Variants in LSM14A observed in about 807,000 individuals in gnomAD.
LSM14A encodes protein LSM14 homolog A.
LSM14A carries 14 observed loss-of-function variants against 52.4 expected under a neutral mutation model. The observed-to-expected ratio is 0.27, with a 90% CI of 0.18 to 0.42. LSM14A has a LOEUF of 0.42. Among genes scored for constraint, LSM14A ranks in the 10% least tolerant of loss-of-function variants. LSM14A has a pLI of 1.00. For synonymous variants in LSM14A, 185 were observed against 200.3 expected, an observed-to-expected ratio of 0.92 and a Z score of 0.64; for missense variants, 417 against 581.8, an observed-to-expected ratio of 0.72 and a Z score of 2.91.
intron 1 of LSM14A, among the ~76,000 whole-genome samples, chr19:34,183,857 G>A (rs1342472450): frequency 2.6e-5 from 4 of 152,044 alleles, no homozygotes; most frequent in Non-Finnish European, 5.9e-5. Flanking sequence ...ACTTTATTGG[G>A]TATAAGTTAC....
chr19:34,227,482 C>T lies in LSM14A; in HGVS notation c.*94C>T, dbSNP rs572293434. The T allele has an allele frequency of 1.4e-4, 133 of 964,746 alleles. No individual in the cohort carries two copies. In the South Asian group the frequency reaches 1.9e-3, roughly 14 times the overall value. The allele number at this position is 964,746 out of a possible 1,614,324, so 59.8% of individuals were successfully genotyped here. ...TTTGCAAAGAATGAAGAAGTGAATT[C>T]GCTGTACATTTGTCACCAGCACTGG... On this transcript the variant is annotated 3_prime_UTR_variant, in exon 10 of 10. Coordinates refer to ENST00000544216, the MANE Select transcript of LSM14A (RefSeq NM_015578.4).
intron 3 of LSM14A, among the ~76,000 whole-genome samples, chr19:34,197,000 G>C (rs1487369921): frequency 6.6e-6 from 1 of 151,392 alleles, no homozygotes; most frequent in Non-Finnish European, 1.5e-5. Context: ...AAAAAAAAAT[G>C]GATATACTAG....
chr19:34,196,564 C>A (rs550668710), intron 2 of LSM14A, 70 bp from the exon 3 acceptor site: 12 of 1,450,530 alleles, frequency 8.3e-6, no homozygotes, highest in South Asian at 1.5e-5. Context: ...AAGTAAAAAT[C>A]TGGAATTTTT....
At chr19:34,197,872 A>G (rs772427682) in intron 3 of LSM14A, among the ~76,000 whole-genome samples, 1 of 152,220 alleles carries the variant, frequency 6.6e-6, no homozygotes, top group Non-Finnish European at 1.5e-5. Context: ...ATGAGAATGT[A>G]TAGCAGGGCT....
At chr19:34,219,672 T>A (rs1282462046) in intron 7 of LSM14A, 34 bp from the exon 8 acceptor site, 1 of 1,588,512 alleles carries the variant, frequency 6.3e-7, no homozygotes, top group Admixed American at 1.8e-5. Context: ...AGATTAGCTG[T>A]CTTGACTTTT....
chr19:34,210,603 T>C (rs2072068070), intron 4 of LSM14A, among the ~76,000 whole-genome samples: 1 of 150,072 alleles, frequency 6.7e-6, no homozygotes, highest in East Asian at 2.0e-4. Flanking sequence ...TTCTAAAGAT[T>C]GTTTGTTTGT....
At chr19:34,210,854 G>A (rs2072088827) in intron 4 of LSM14A, among the ~76,000 whole-genome samples, 1 of 151,914 alleles carries the variant, frequency 6.6e-6, no homozygotes, top group Non-Finnish European at 1.5e-5. Flanking sequence ...TTATAGGCAT[G>A]AGCCACAGTG....
chr19:34,226,316 C>T, intron 9 of LSM14A: 1 of 1,114,754 alleles, frequency 9.0e-7, no homozygotes, highest in Non-Finnish European at 1.3e-6. Context: ...GCATAATGCT[C>T]TCTCTCCTCT....
intron 3 of LSM14A, among the ~76,000 whole-genome samples, chr19:34,203,007 A>G (rs1326716450): frequency 2.0e-5 from 3 of 152,168 alleles, no homozygotes; most frequent in African/African-American, 7.2e-5. Flanking sequence ...AAGAGATTAG[A>G]TCATTACTGG....
At position 34,203,707 on chromosome 19, in the gene LSM14A, G is replaced by A. The variant is rs147947775; in HGVS notation, c.416-5222G>A. Among the ~76,000 whole-genome samples, 418 of 151,584 alleles carry A rather than the reference G, an allele frequency of 2.8e-3. 4 individuals carry two copies. The highest frequency in any genetic ancestry group is 4.0e-3 in the Non-Finnish European group (272 of 67,974). On this transcript the variant is annotated intron_variant, in intron 3 of 9. Coordinates refer to ENST00000544216, the MANE Select transcript of LSM14A (RefSeq NM_015578.4). Reference sequence around the variant, plus strand: ...AATCCCAGCTACTCAGGAGGCTGAGGCAGGAGAATCCCTGGAACCCAGGAG... The same window carrying A: ...AATCCCAGCTACTCAGGAGGCTGAGACAGGAGAATCCCTGGAACCCAGGAG...
chr19:34,191,207 A>T (rs567574787), intron 1 of LSM14A, among the ~76,000 whole-genome samples: 1 of 151,894 alleles, frequency 6.6e-6, no homozygotes, highest in South Asian at 2.1e-4. Context: ...TCTTTCCTTA[A>T]TTCTGCATGC....
chr19:34,199,469 A>C (rs1202329827), intron 3 of LSM14A, among the ~76,000 whole-genome samples: 2 of 152,174 alleles, frequency 1.3e-5, no homozygotes, highest in Admixed American at 1.3e-4. Context: ...GTATTATAGG[A>C]AAGGGCAAAT....
At chr19:34,196,863 A>G in intron 3 of LSM14A, 100 bp downstream of exon 3, 1 of 1,029,006 alleles carries the variant, frequency 9.7e-7, no homozygotes. Context: ...ATGTTGTTTG[A>G]TGTTCCTTTT....
rs1294946096 is a variant in LSM14A, at chr19:34,219,998, C to CTG, written c.1136+122_1136+123insGT. On this transcript the variant is annotated intron_variant, in intron 8 of 9. Transcript: ENST00000544216. ...TTGTTTTGTTTTGTTTTGAGACAGT[C>CTG]TTACTCTGTTACTCAGGCTGGAGAG... 4 of 742,736 alleles carry CTG rather than the reference C, an allele frequency of 5.4e-6. No individual in the cohort carries two copies. In the Admixed American group the frequency reaches 1.1e-4, roughly 20 times the overall value. 46.0% of individuals were successfully genotyped at this position (742,736 alleles called of 1,614,324 possible).
intron 3 of LSM14A, among the ~76,000 whole-genome samples, chr19:34,207,730 C>T (rs996330874): frequency 2.0e-5 from 3 of 152,124 alleles, no homozygotes; most frequent in African/African-American, 7.2e-5. Context: ...GAGGTTTCAT[C>T]ATACTGGTCA....
intron 1 of LSM14A, among the ~76,000 whole-genome samples, chr19:34,185,464 AAG>A (rs1408142578): frequency 6.6e-6 from 1 of 152,132 alleles, no homozygotes; most frequent in Non-Finnish European, 1.5e-5. Context: ...GGGGCCAGAG[AAG>A]AGAGTGCAGA....
chr19:34,222,791 G>C (rs1234506552), intron 9 of LSM14A, among the ~76,000 whole-genome samples: 1 of 152,196 alleles, frequency 6.6e-6, no homozygotes, highest in African/African-American at 2.4e-5. Flanking sequence ...GCCTTATGTA[G>C]TTGCGGGACT....
At chr19:34,208,724 T>A in intron 3 of LSM14A, 1 of 468,100 alleles carries the variant, frequency 2.1e-6, no homozygotes, top group Non-Finnish European at 3.8e-6. Flanking sequence ...GACAGTATAT[T>A]GGCTCCCCCT....
intron 4 of LSM14A, among the ~76,000 whole-genome samples, chr19:34,210,751 T>C (rs1192243505): frequency 6.6e-6 from 1 of 151,114 alleles, no homozygotes; most frequent in African/African-American, 2.4e-5. Context: ...CCAGCTAGTT[T>C]TGTAGGGACG....
Sources: gnomAD v4.1 joint callset for allele counts (sites outside exome capture counted in the v4.1 genomes callset) on GRCh38, gnomAD v4.1.1 for gene constraint, MANE v1.5 for transcripts, NCBI Gene and HGNC (gene_info 2026-07-23, HGNC 2026-07-21) for gene names.